Variants in IGF2BP2 observed in about 807,000 individuals in gnomAD.
IGF2BP2 encodes the protein insulin-like growth factor 2 mRNA-binding protein 2.
A neutral mutation model predicts 75.8 loss-of-function variants in IGF2BP2; 17 were observed. The ratio of observed to expected loss-of-function variants is 0.22; its 90% CI spans 0.15 to 0.34. IGF2BP2 has a LOEUF of 0.34. Among genes scored for constraint, IGF2BP2 ranks in the 10% least tolerant of loss-of-function variants. The probability of loss-of-function intolerance (pLI) is 1.00; values close to 1 mark genes in which losing one functional copy is unlikely to be tolerated. For missense variants in IGF2BP2, 516 were observed against 772.4 expected, an observed-to-expected ratio of 0.67 and a Z score of 3.93; for synonymous variants, 288 against 295.6, an observed-to-expected ratio of 0.97 and a Z score of 0.26.
chr3:185,648,657 A>G (rs888001080), intron 14 of IGF2BP2, among the ~76,000 whole-genome samples: 1 of 152,108 alleles, frequency 6.6e-6, no homozygotes, highest in Non-Finnish European at 1.5e-5. Flanking sequence ...CCAGGTCAGT[A>G]AGTCACATTC....
chr3:185,687,354 A>C (rs1307441546), intron 6 of IGF2BP2, among the ~76,000 whole-genome samples, 163 bp from the exon 7 acceptor site: 1 of 152,256 alleles, frequency 6.6e-6, no homozygotes, highest in Non-Finnish European at 1.5e-5. Flanking sequence ...GGAGGCAAGC[A>C]GTGCAGGGGG....
chr3:185,727,527 C>G (rs1309422594), intron 2 of IGF2BP2, among the ~76,000 whole-genome samples: 2 of 152,052 alleles, frequency 1.3e-5, no homozygotes, highest in African/African-American at 2.4e-5. Context: ...CCTCAGGGGG[C>G]CCCAGAAACA....
rs568383552 is a variant in IGF2BP2 at position 185,751,554 on chromosome 3, G to A, written c.240-53207C>T. On this transcript the variant is annotated intron_variant, in intron 2 of 15. Transcript: ENST00000382199. ...TACTAGTATTCTCCTGCTGAGGCAG[G>A]AGAATTGCTTGAGGCAGGAGACGGA... Among the ~76,000 whole-genome samples the A allele has an allele frequency of 3.3e-5, 5 of 150,556 alleles. 1 individual carries two copies. The East Asian group carries it at 7.8e-4, about 23-fold the overall frequency.
chr3:185,654,397 G>A (rs993908833), intron 12 of IGF2BP2, among the ~76,000 whole-genome samples: 1 of 152,188 alleles, frequency 6.6e-6, no homozygotes, highest in Non-Finnish European at 1.5e-5. Context: ...TTATCTCTGA[G>A]TAAGCAAGAG....
At chr3:185,648,927 G>A (rs1285507414) in intron 14 of IGF2BP2, among the ~76,000 whole-genome samples, 2 of 152,140 alleles carry the variant, frequency 1.3e-5, no homozygotes, top group Admixed American at 6.5e-5. Context: ...CAGGAGGGCT[G>A]AGAGTCAGAA....
chr3:185,767,290 G>T (rs531961878), intron 2 of IGF2BP2, among the ~76,000 whole-genome samples: 8 of 152,108 alleles, frequency 5.3e-5, no homozygotes, highest in Non-Finnish European at 1.0e-4. Flanking sequence ...TGTGGATTCT[G>T]TTCTCCACAA....
intron 2 of IGF2BP2, among the ~76,000 whole-genome samples, chr3:185,779,582 G>A (rs572802209): frequency 1.3e-5 from 2 of 152,280 alleles, no homozygotes; most frequent in South Asian, 2.1e-4. Flanking sequence ...GCTATTCCAA[G>A]TGTGGTCCCT....
chr3:185,803,985 G>A (rs1005935425), intron 2 of IGF2BP2, among the ~76,000 whole-genome samples: 9 of 152,278 alleles, frequency 5.9e-5, no homozygotes, highest in Non-Finnish European at 1.2e-4. Flanking sequence ...TTGGCCAGGT[G>A]CAGCGGCTCA....
At chr3:185,670,327 G>A (rs563122873) in intron 10 of IGF2BP2, among the ~76,000 whole-genome samples, 107 of 152,126 alleles carry the variant, frequency 7.0e-4, no homozygotes, top group African/African-American at 2.5e-3. Flanking sequence ...TTAGTTCAGG[G>A]GTCAGCAAAC....
At chr3:185,812,313 G>C (rs943795069) in intron 2 of IGF2BP2, among the ~76,000 whole-genome samples, 2 of 152,120 alleles carry the variant, frequency 1.3e-5, no homozygotes, top group African/African-American at 4.8e-5. Context: ...CTCTTCAAAG[G>C]CAGTTGACTC....
intron 2 of IGF2BP2, among the ~76,000 whole-genome samples, chr3:185,742,658 A>C (rs1729724197): frequency 6.6e-6 from 1 of 152,018 alleles, no homozygotes; most frequent in African/African-American, 2.4e-5. Flanking sequence ...TCTCATCTCA[A>C]AAAAAATAAA....
intron 3 of IGF2BP2, among the ~76,000 whole-genome samples, chr3:185,697,934 T>C (rs922411235): frequency 6.6e-6 from 1 of 152,030 alleles, no homozygotes; most frequent in African/African-American, 2.4e-5. Context: ...CAGTGAGCCA[T>C]GATTGGGCCA....
At chr3:185,761,128 T>C (rs546546683) in intron 2 of IGF2BP2, among the ~76,000 whole-genome samples, 1 of 152,282 alleles carries the variant, frequency 6.6e-6, no homozygotes, top group Admixed American at 6.5e-5. Context: ...TTTCTGATGA[T>C]GGACACCTAG....
chr3:185,703,856 A>G (rs1723644898), intron 2 of IGF2BP2, among the ~76,000 whole-genome samples: 1 of 152,176 alleles, frequency 6.6e-6, no homozygotes. Context: ...TTTCAGGCAT[A>G]TGGTCTATTA....
At chr3:185,730,425 T>G (rs892000103) in intron 2 of IGF2BP2, among the ~76,000 whole-genome samples, 2 of 147,050 alleles carry the variant, frequency 1.4e-5, no homozygotes, top group Non-Finnish European at 3.0e-5. Flanking sequence ...CAAGCGCAGG[T>G]GTCTTTTTTT....
intron 2 of IGF2BP2, among the ~76,000 whole-genome samples, chr3:185,745,774 C>T (rs1359682218): frequency 6.6e-6 from 1 of 150,736 alleles, no homozygotes; most frequent in Non-Finnish European, 1.5e-5. Context: ...CAGTGCACAG[C>T]ATAGCTGCTG....
At chr3:185,818,763 A>C (rs1008175602) in intron 2 of IGF2BP2, among the ~76,000 whole-genome samples, 1 of 152,196 alleles carries the variant, frequency 6.6e-6, no homozygotes, top group Admixed American at 6.5e-5. Flanking sequence ...ATATATAAAC[A>C]GTTCCTGTAG....
At chr3:185,775,287 T>C (rs915274679) in intron 2 of IGF2BP2, among the ~76,000 whole-genome samples, 3 of 152,224 alleles carry the variant, frequency 2.0e-5, no homozygotes, top group African/African-American at 7.2e-5. Flanking sequence ...ACTGGTGTTG[T>C]TTTGTAAAGG....
chr3:185,678,722 CACT>C (rs1282933697), intron 7 of IGF2BP2, among the ~76,000 whole-genome samples: 1 of 152,176 alleles, frequency 6.6e-6, no homozygotes, highest in Non-Finnish European at 1.5e-5. Flanking sequence ...GAAAGTAGGG[CACT>C]TAAGTTTCCT....
Sources: gnomAD v4.1 joint callset for allele counts (sites outside exome capture counted in the v4.1 genomes callset) on GRCh38, gnomAD v4.1.1 for gene constraint, MANE v1.5 for transcripts, NCBI Gene and HGNC (gene_info 2026-07-23, HGNC 2026-07-21) for gene names.